TMEM116: variants seen among roughly 807,000 people sequenced by gnomAD.
TMEM116 encodes transmembrane protein 116.
A neutral mutation model predicts 44.3 loss-of-function variants in TMEM116; 38 were observed. That is an observed-to-expected ratio of 0.86 (90% CI 0.66 to 1.12). The LOEUF is 1.12. TMEM116 is among the 50% of genes most tolerant of loss of function. The pLI is 0.00. For synonymous variants in TMEM116, 132 were observed against 144.8 expected (o/e 0.91, Z 0.64); for missense variants, 354 against 401.7 (o/e 0.88, Z 1.01).
intron 4 of TMEM116, among the ~76,000 whole-genome samples, chr12:111,949,944 G>A (rs953300886): frequency 6.6e-6 from 1 of 151,994 alleles, no homozygotes; most frequent in Non-Finnish European, 1.5e-5. Flanking sequence ...GTGAGACCCC[G>A]TCTCTACTAA....
chr12:112,012,541 A>G (rs914630033), intron 1 of TMEM116: 1 of 152,540 alleles, frequency 6.6e-6, no homozygotes, highest in African/African-American at 2.4e-5. Flanking sequence ...GGCCTCCCAA[A>G]GTGCTGGGAT....
chr12:112,003,977 A>C, intron 2 of TMEM116, 114 bp from the exon 3 acceptor site: 1 of 1,358,788 alleles, frequency 7.4e-7, no homozygotes. Flanking sequence ...ATATAAAATA[A>C]ACTGCATTAA....
chr12:111,978,572 T>C (rs1003452883), intron 4 of TMEM116, among the ~76,000 whole-genome samples: 2 of 152,038 alleles, frequency 1.3e-5, no homozygotes, highest in Admixed American at 1.3e-4. Flanking sequence ...ATTTAGAAGG[T>C]GGGGCCTTTG....
intron 4 of TMEM116, among the ~76,000 whole-genome samples, chr12:111,946,450 G>T (rs527772561): frequency 6.6e-6 from 1 of 152,232 alleles, no homozygotes; most frequent in Non-Finnish European, 1.5e-5. Context: ...CCAAAACAAA[G>T]AGATGGGCTC....
At chr12:111,987,064 C>CT (rs1215749090) in intron 4 of TMEM116, among the ~76,000 whole-genome samples, 1 of 152,056 alleles carries the variant, frequency 6.6e-6, no homozygotes, top group Non-Finnish European at 1.5e-5. Flanking sequence ...ATTTATAAAA[C>CT]TTATGTGCAT....
chr12:111,976,670 T>C (rs2075688456), intron 4 of TMEM116, among the ~76,000 whole-genome samples: 1 of 152,166 alleles, frequency 6.6e-6, no homozygotes, highest in Admixed American at 6.6e-5. Flanking sequence ...TTTGAAATTA[T>C]TAGATAGGGA....
chr12:111,948,270 T>C (rs1163955063), intron 4 of TMEM116, among the ~76,000 whole-genome samples: 2 of 152,166 alleles, frequency 1.3e-5, no homozygotes, highest in Admixed American at 6.6e-5. Flanking sequence ...AAAGAAATAG[T>C]TCAAGTCTTC....
rs7299918 is a variant in TMEM116, at chr12:111,972,531, T to C, written c.210+19227A>G. Among the ~76,000 whole-genome samples the C allele has an allele frequency of 0.055, 8,450 of 152,266 alleles. 1,303 individuals carry two copies. The East Asian group carries it at 0.61, about 11-fold the overall frequency. ...CCAGCCAACAACAGCAGAATGTAAT[T>C]TTTCTTTCAAATGCATACAGAACAT... On this transcript the variant is annotated intron_variant, in intron 4 of 10. Coordinates refer to ENST00000552374, the MANE Select transcript of TMEM116 (RefSeq NM_001193531.2).
chr12:111,940,043 T>A (rs1038667367), intron 5 of TMEM116, among the ~76,000 whole-genome samples: 28 of 151,766 alleles, frequency 1.8e-4, no homozygotes, highest in African/African-American at 6.3e-4. Context: ...GAGGCTGATG[T>A]GGGTGGATCA....
chr12:111,974,170 A>C (rs2075522265), intron 4 of TMEM116, among the ~76,000 whole-genome samples: 1 of 152,096 alleles, frequency 6.6e-6, no homozygotes, highest in Non-Finnish European at 1.5e-5. Flanking sequence ...TCACCAAACT[A>C]GAAAAATTTC....
In TMEM116 at chr12:112,005,300, G is replaced by A. The variant is rs2077517988; in HGVS notation, c.-30C>T. 1 of 1,302,110 alleles carries A rather than the reference G, an allele frequency of 7.7e-7. No individual in the cohort carries two copies. Among genetic ancestry groups the A allele is most frequent in the East Asian group, 3.1e-5 (1 of 31,990 alleles). The allele number at this position is 1,302,110 out of a possible 1,614,324, so 80.7% of individuals were successfully genotyped here. A position where few individuals can be genotyped will look rare whatever the true frequency, so the allele number is the denominator to read the frequency against. ...AATTGTATCCACTGTATTGCAGGAA[G>A]AACCTAAGCAAAACAAGGAAAACGG... On this transcript the variant is annotated 5_prime_UTR_variant, in exon 2 of 11. Transcript: ENST00000552374.
At position 112,003,797 on chromosome 12, in the gene TMEM116, C is replaced by T; in HGVS notation, c.78+3G>A. The T allele has an allele frequency of 2.0e-6, 3 of 1,510,254 alleles. No individual in the cohort carries two copies. The highest frequency in any genetic ancestry group is 2.6e-6 in the Non-Finnish European group (3 of 1,139,250). 93.6% of individuals were successfully genotyped at this position (1,510,254 alleles called of 1,614,324 possible). A position where few individuals can be genotyped will look rare whatever the true frequency, so the allele number is the denominator to read the frequency against. ...AAATCCAACACAAAGAGAAATCACT[C>T]ACCTCTGGAGATTTCTGTATATTAT... On this transcript the variant is annotated splice_donor_region_variant and intron_variant, in intron 3 of 10. Transcript: ENST00000552374.
At chr12:111,973,598 C>A (rs1330053788) in intron 4 of TMEM116, among the ~76,000 whole-genome samples, 1 of 152,178 alleles carries the variant, frequency 6.6e-6, no homozygotes, top group Admixed American at 6.5e-5. Context: ...ACATCAACTT[C>A]CATTTTAAGA....
intron 1 of TMEM116, chr12:112,011,338 C>T (rs1029529333): frequency 1.3e-5 from 2 of 152,292 alleles, no homozygotes; most frequent in Non-Finnish European, 2.9e-5. Flanking sequence ...CACATTCACA[C>T]ATACACACAC....
intron 1 of TMEM116, chr12:112,012,559 G>GT (rs1475668621): frequency 6.6e-6 from 1 of 152,580 alleles, no homozygotes; most frequent in Non-Finnish European, 1.5e-5. Context: ...GATTACAGAC[G>GT]TGAGTCAACG....
intron 10 of TMEM116, 136 bp downstream of exon 10, chr12:111,932,450 G>A: frequency 1.4e-6 from 1 of 717,214 alleles, no homozygotes; most frequent in Non-Finnish European, 2.4e-6. Flanking sequence ...TCATAACTGA[G>A]TGTAAATAAT....
intron 3 of TMEM116, among the ~76,000 whole-genome samples, chr12:112,002,939 A>G (rs2077352332): frequency 6.6e-6 from 1 of 152,198 alleles, no homozygotes; most frequent in Admixed American, 6.5e-5. Context: ...TCTGTTTACT[A>G]AGCTAGAAAA....
Position 111,940,550 on chromosome 12 carries a change from CACACATATATATGTGTGTAT to C in TMEM116, c.316-2360_316-2341del, listed in dbSNP as rs1565874431. Among the ~76,000 whole-genome samples, 330 of 127,682 alleles carry C rather than the reference CACACATATATATGTGTGTAT, an allele frequency of 2.6e-3. 5 individuals carry two copies. Among genetic ancestry groups the C allele is most frequent in the African/African-American group, 0.01 (322 of 31,646 alleles). The allele number at this position is 127,682 out of a possible 152,430, so 83.8% of individuals were successfully genotyped here. A position where few individuals can be genotyped will look rare whatever the true frequency, so the allele number is the denominator to read the frequency against. ...ATATATATATATATATATATACACACACACATATATATGTGTGTATATATATATATATATCTTCGGCTAAA... is the reference window on the plus strand; with the variant it reads ...ATATATATATATATATATATACACACATATATATATATATCTTCGGCTAAA... On this transcript the variant is annotated intron_variant, in intron 5 of 10. Transcript: ENST00000552374.
chr12:112,010,763 C>A (rs1393279996), intron 1 of TMEM116: 5 of 152,320 alleles, frequency 3.3e-5, no homozygotes, highest in African/African-American at 9.6e-5. Context: ...TAGGTCTCTG[C>A]CCTCTTGGTC....
Sources: allele counts gnomAD v4.1 joint callset (sites outside exome capture counted in the v4.1 genomes callset), GRCh38; gene constraint gnomAD v4.1.1; transcripts MANE v1.5; gene names NCBI Gene and HGNC (gene_info 2026-07-23, HGNC 2026-07-21).